The following CHI3L2 variants were observed in gnomAD, a reference collection of about 807,000 sequenced individuals.
CHI3L2 encodes chitinase-3-like protein 2.
CHI3L2 carries 47 observed loss-of-function variants against 47.3 expected under a neutral mutation model. The observed-to-expected ratio is 0.99, with a 90% CI of 0.79 to 1.27. The LOEUF (loss-of-function observed/expected upper bound fraction) is 1.27. Among genes scored for constraint, CHI3L2 ranks in the 50% most tolerant of loss-of-function variants. CHI3L2 has a pLI of 0.00. For missense variants in CHI3L2, 497 were observed against 462.1 expected, an observed-to-expected ratio of 1.08 and a Z score of -0.69; for synonymous variants, 198 against 169.9, an observed-to-expected ratio of 1.17 and a Z score of -1.28.
intron 4 of CHI3L2, chr1:111,231,519 G>C (rs1659721521): frequency 2.3e-6 from 1 of 432,392 alleles, no homozygotes; most frequent in Admixed American, 4.0e-5. Flanking sequence ...GACACTCAAG[G>C]CTTGAGAGAA....
Position 111,234,948 on chromosome 1 carries a change from T to C in CHI3L2, c.371T>C (p.Phe124Ser). The C allele has an allele frequency of 6.2e-7, 1 of 1,614,178 alleles. No homozygotes were observed. The highest frequency in any genetic ancestry group is 8.5e-7 in the Non-Finnish European group (1 of 1,180,012). Residue 124 changes from phenylalanine to serine, a missense_variant, in exon 5 of 11, where the codon TTC (phenylalanine) becomes TCC (serine). Physicochemically the swap from Phe to Ser is radical, Grantham distance 155. Transcript: ENST00000369748. ...GATTCTTCTACATCACGCTTGGAATTCATTAACTCCATAATCCTGTTTCTG... is the reference window on the plus strand; with the variant it reads ...GATTCTTCTACATCACGCTTGGAATCCATTAACTCCATAATCCTGTTTCTG... ...MVDSSTSRLE[F>S]INSIILFLRN...
chr1:111,238,346 C>CCCA (rs1659943099), intron 7 of CHI3L2, among the ~76,000 whole-genome samples: 2 of 152,176 alleles, frequency 1.3e-5, no homozygotes, highest in Admixed American at 1.3e-4. Flanking sequence ...GGTGCAAGGT[C>CCCA]ATTGTGAGGC....
chr1:111,229,409 G>T (rs529739576), intron 1 of CHI3L2, among the ~76,000 whole-genome samples: 1 of 152,242 alleles, frequency 6.6e-6, no homozygotes, highest in Non-Finnish European at 1.5e-5. Context: ...CAGGCCGGGC[G>T]CGGTGGCTCA....
intron 7 of CHI3L2, among the ~76,000 whole-genome samples, chr1:111,236,892 G>A (rs1413834052): frequency 2.0e-5 from 3 of 152,182 alleles, no homozygotes; most frequent in South Asian, 2.1e-4. Context: ...AGAAAGTGGC[G>A]AGTGCTGATT....
At chr1:111,242,131 T>A in intron 9 of CHI3L2, 96 bp from the exon 10 acceptor site, 1 of 1,502,144 alleles carries the variant, frequency 6.7e-7, no homozygotes, top group Non-Finnish European at 9.2e-7. Flanking sequence ...TCTACTGCTG[T>A]ATTTTAAGCT....
chr1:111,227,933 G>T (rs927819362), intron 1 of CHI3L2, among the ~76,000 whole-genome samples, 164 bp downstream of exon 1: 1 of 152,190 alleles, frequency 6.6e-6, no homozygotes, highest in African/African-American at 2.4e-5. Flanking sequence ...GGAACCACCT[G>T]ATCTTTCCTG....
intron 4 of CHI3L2, 55 bp from the exon 5 acceptor site, chr1:111,234,851 AC>A: frequency 6.5e-7 from 1 of 1,535,354 alleles, no homozygotes; most frequent in Non-Finnish European, 8.9e-7. Context: ...AAAATGTGTT[AC>A]ACTACAAGTG....
At chr1:111,242,567 A>G in intron 10 of CHI3L2, 1 of 417,434 alleles carries the variant, frequency 2.4e-6, no homozygotes. Flanking sequence ...TAATAATAAT[A>G]TTGATAAATT....
intron 7 of CHI3L2, among the ~76,000 whole-genome samples, chr1:111,236,377 A>G (rs1659889127): frequency 6.6e-6 from 1 of 152,176 alleles, no homozygotes; most frequent in African/African-American, 2.4e-5. Flanking sequence ...GAAGTGCCCT[A>G]AGCTCTGTCT....
intron 8 of CHI3L2, among the ~76,000 whole-genome samples, chr1:111,240,578 T>C (rs1444865113): frequency 2.0e-5 from 3 of 152,242 alleles, no homozygotes; most frequent in African/African-American, 7.2e-5. Context: ...CTCTAGGTCA[T>C]TATAACTTTG....
chr1:111,235,200 A>G, intron 5 of CHI3L2, 143 bp downstream of exon 5: 1 of 764,112 alleles, frequency 1.3e-6, no homozygotes. Flanking sequence ...GCTCCCACTA[A>G]TGAGAGAAAA....
Position 111,238,611 on chromosome 1 carries a change from G to A in CHI3L2, c.736-139G>A, listed in dbSNP as rs541203710. On this transcript the variant is annotated intron_variant, in intron 7 of 10. Transcript: ENST00000369748. Reference sequence around the variant, plus strand: ...TGCATTACAACAAGCACTCTGGTCCGGGGGGTCTGGTCTGTTCACACTCGG... The same window carrying A: ...TGCATTACAACAAGCACTCTGGTCCAGGGGGTCTGGTCTGTTCACACTCGG... 609 of 764,812 alleles carry A rather than the reference G, an allele frequency of 8.0e-4. 2 individuals are homozygous for A. Among genetic ancestry groups the A allele is most frequent in the Middle Eastern group, 9.8e-4 (3 of 3,076 alleles). 47.4% of individuals were successfully genotyped at this position (764,812 alleles called of 1,614,324 possible).
intron 2 of CHI3L2, among the ~76,000 whole-genome samples, chr1:111,230,460 C>T (rs1329806107): frequency 6.6e-6 from 1 of 152,056 alleles, no homozygotes; most frequent in Non-Finnish European, 1.5e-5. Flanking sequence ...TGCTATGTTG[C>T]CAGAGCTGGT....
intron 4 of CHI3L2, chr1:111,231,516 A>C (rs912188470): frequency 2.3e-6 from 1 of 439,548 alleles, no homozygotes; most frequent in East Asian, 3.6e-5. Flanking sequence ...CCAGACACTC[A>C]AGGCTTGAGA....
rs781609820 is a variant in CHI3L2, at chr1:111,242,304, C to T, written c.1113C>T (p.Ser371=). 4 of 1,614,036 alleles carry T rather than the reference C, an allele frequency of 2.5e-6. No individual in the cohort carries two copies. Among genetic ancestry groups the T allele is most frequent in the African/African-American group, 1.3e-5 (1 of 75,020 alleles). ...ACATGGATGACTTCACTGGCAAATC[C>T]TGCAACCAGGGCCCTTACCCTCTTG... ...SIDMDDFTGK[S]CNQGPYPLVQ... Residue 371 remains serine (S), a synonymous_variant, in exon 10 of 11, where the codon TCC becomes TCT. Transcript: ENST00000369748.
At chr1:111,236,840 C>T (rs1363413360) in intron 7 of CHI3L2, among the ~76,000 whole-genome samples, 1 of 152,056 alleles carries the variant, frequency 6.6e-6, no homozygotes, top group South Asian at 2.1e-4. Context: ...CCTGGAAATT[C>T]AGGGATCAGG....
chr1:111,242,293 A>G lies in CHI3L2; in HGVS notation c.1102A>G (p.Thr368Ala), dbSNP rs764250445. 1 of 1,614,112 alleles carries G rather than the reference A, an allele frequency of 6.2e-7. No individual in the cohort carries two copies. Among genetic ancestry groups the G allele is most frequent in the Non-Finnish European group, 8.5e-7 (1 of 1,179,996 alleles). The change falls in exon 10 of 11, where the codon ACT becomes GCT. Residue 368 changes from threonine to alanine, a missense_variant. Coordinates refer to ENST00000369748, the MANE Select transcript of CHI3L2 (RefSeq NM_004000.3). ...CTGGTCTATTGACATGGATGACTTC[A>G]CTGGCAAATCCTGCAACCAGGGCCC... ...MIWSIDMDDF[T>A]GKSCNQGPYP...
rs769095393 is a variant in CHI3L2, at chr1:111,242,258, G to C, written c.1067G>C (p.Gly356Ala). The C allele has an allele frequency of 3.7e-6, 6 of 1,614,094 alleles. No homozygotes were observed. Among genetic ancestry groups the C allele is most frequent in the Non-Finnish European group, 5.1e-6 (6 of 1,179,982 alleles). The change falls in exon 10 of 11, where the codon GGA (glycine) becomes GCA (alanine). Residue 356 changes from glycine (G) to alanine (A), a missense_variant. Physicochemically the swap from Gly to Ala is moderately conservative, Grantham distance 60. Transcript: ENST00000369748. ...TTCTTAAAGAATTTAAACCTGGGAG[G>C]AGCCATGATCTGGTCTATTGACATG... is the stretch of plus-strand genomic sequence containing the variant. ...VQFLKNLNLG[G>A]AMIWSIDMDD...
chr1:111,233,058 C>T (rs1172351412), intron 4 of CHI3L2, among the ~76,000 whole-genome samples: 2 of 152,174 alleles, frequency 1.3e-5, no homozygotes, highest in African/African-American at 4.8e-5. Flanking sequence ...AGTGACACAA[C>T]TTAAAGGTTA....
Sources: gnomAD v4.1 joint callset for allele counts (sites outside exome capture counted in the v4.1 genomes callset) on GRCh38, gnomAD v4.1.1 for gene constraint, MANE v1.5 for transcripts, NCBI Gene and HGNC (gene_info 2026-07-23, HGNC 2026-07-21) for gene names.